PIGH: variants seen among roughly 807,000 people sequenced by gnomAD.
PIGH encodes the protein phosphatidylinositol N-acetylglucosaminyltransferase subunit H.
A neutral mutation model predicts 20.1 loss-of-function variants in PIGH; 11 were observed. The ratio of observed to expected loss-of-function variants is 0.55; its 90% confidence interval spans 0.34 to 0.91. PIGH has a LOEUF of 0.91. Ranked by LOEUF, PIGH falls within the 40% of genes least tolerant of loss-of-function variation. PIGH has a pLI of 0.02. For synonymous variants in PIGH, 72 were observed against 93.1 expected, an observed-to-expected ratio of 0.77 and a Z score of 1.31; for missense variants, 189 against 233.6, an observed-to-expected ratio of 0.81 and a Z score of 1.24.
intron 1 of PIGH, among the ~76,000 whole-genome samples, chr14:67,596,706 G>A (rs937214477): frequency 6.6e-6 from 1 of 152,054 alleles, no homozygotes; most frequent in Non-Finnish European, 1.5e-5. Context: ...TCCCACCCTT[G>A]GTATTTGATC....
At position 67,589,655 on chromosome 14, in the gene PIGH, G is replaced by C; in HGVS notation, c.*425C>G. On this transcript the variant is annotated 3_prime_UTR_variant, in exon 4 of 4. Coordinates refer to ENST00000216452, the MANE Select transcript of PIGH (RefSeq NM_004569.5). ...ACATTTCTTCCTGCTAACCAGTACT[G>C]AAGGGCTTGTTTTTTTCGTAACTTT... The C allele has an allele frequency of 1.0e-6, 1 of 989,814 alleles. No homozygotes were observed. Among genetic ancestry groups the C allele is most frequent in the Non-Finnish European group, 1.2e-6 (1 of 832,404 alleles). 61.3% of individuals were successfully genotyped at this position (989,814 alleles called of 1,614,324 possible). A position where few individuals can be genotyped will look rare whatever the true frequency, so the allele number is the denominator to read the frequency against.
At chr14:67,592,806 G>C in intron 2 of PIGH, 88 bp from the exon 3 acceptor site, 1 of 867,102 alleles carries the variant, frequency 1.2e-6, no homozygotes, top group Admixed American at 2.1e-5. Context: ...TTATTTTTGA[G>C]ACAGAGTCTC....
In PIGH at chr14:67,589,354, T is replaced by C. The variant is rs1392183553; in HGVS notation, c.*726A>G. The stretch of plus-strand genomic sequence containing the variant: ...ATTCTTTGTTAACATGAGAGTCCCA[T>C]GTCTGAAAACCAAAGTCCAATTTCT... On this transcript the variant is annotated 3_prime_UTR_variant, in exon 4 of 4. Coordinates refer to ENST00000216452, the MANE Select transcript of PIGH (RefSeq NM_004569.5). 1 of 983,592 alleles carries C rather than the reference T, an allele frequency of 1.0e-6. No homozygotes were observed. The highest frequency in any genetic ancestry group is 1.1e-4 in the East Asian group (1 of 8,832). 60.9% of individuals were successfully genotyped at this position (983,592 alleles called of 1,614,324 possible). A position where few individuals can be genotyped will look rare whatever the true frequency, so the allele number is the denominator to read the frequency against.
chr14:67,597,070 C>A (rs2036488525), intron 1 of PIGH, among the ~76,000 whole-genome samples: 2 of 152,134 alleles, frequency 1.3e-5, no homozygotes, highest in Non-Finnish European at 2.9e-5. Context: ...TTTTGTCTGG[C>A]CCATCTCAAG....
At position 67,600,054 on chromosome 14, in the gene PIGH, C is replaced by A; in HGVS notation, c.150G>T (p.Leu50=). 2 of 1,586,514 alleles carry A rather than the reference C, an allele frequency of 1.3e-6. No homozygotes were observed. The highest frequency in any genetic ancestry group is 1.7e-6 in the Non-Finnish European group (2 of 1,167,106). Residue 50 remains leucine, a synonymous_variant, in exon 1 of 4, where the codon CTG becomes CTT. Transcript: ENST00000216452. ...AGAGGGTGAAGAGTCCGTAGGCCGC[C>A]AGCCACACCGTGCAGGTGACAGCGG... ...SLTAVTCTVW[L]AAYGLFTLCE... is the part of the protein sequence containing the mutation.
rs1288455039 is a variant in PIGH, at chr14:67,600,259, T to A, written c.-56A>T. 3.5e-6 allele frequency: 5 copies of A among 1,418,572 alleles called. No individual in the cohort carries two copies. The highest frequency in any genetic ancestry group is 4.7e-6 in the Non-Finnish European group (5 of 1,071,464). 87.9% of individuals were successfully genotyped at this position (1,418,572 alleles called of 1,614,324 possible). A position where few individuals can be genotyped will look rare whatever the true frequency, so the allele number is the denominator to read the frequency against. On this transcript the variant is annotated 5_prime_UTR_variant, in exon 1 of 4. Coordinates refer to ENST00000216452, the MANE Select transcript of PIGH (RefSeq NM_004569.5). Reference sequence around the variant, plus strand: ...GGCGCTGCACTGCGCTCGCCGGCCCTGGCCGTCTCGCCCGCTCCAGACCCG... The same window carrying A: ...GGCGCTGCACTGCGCTCGCCGGCCCAGGCCGTCTCGCCCGCTCCAGACCCG...
chr14:67,593,875 A>G lies in PIGH; in HGVS notation c.258T>C (p.Asp86=). The G allele has an allele frequency of 6.2e-7, 1 of 1,613,204 alleles. No homozygotes were observed. The highest frequency in any genetic ancestry group is 8.5e-7 in the Non-Finnish European group (1 of 1,179,202). The change falls in exon 2 of 4, where the codon GAT becomes GAC. Residue 86 remains aspartate (D), a synonymous_variant. Transcript: ENST00000216452. ...LLGYLHFVKI[D]QETLLIIDSL... is the part of the protein sequence containing the mutation. ...AATCAATGATTAACAGAGTCTCCTG[A>G]TCAATCTTCACAAAATGGAGATAAC...
intron 1 of PIGH, among the ~76,000 whole-genome samples, chr14:67,594,209 C>T (rs12893796): frequency 0.42 from 63,945 of 152,062 alleles, 15,510 homozygotes; most frequent in Non-Finnish European, 0.56. Context: ...ATCAGCTGAA[C>T]GCAGTAGCTT....
At chr14:67,595,615 G>T (rs2036459298) in intron 1 of PIGH, among the ~76,000 whole-genome samples, 1 of 152,204 alleles carries the variant, frequency 6.6e-6, no homozygotes, top group Admixed American at 6.5e-5. Flanking sequence ...GGGGAGATCT[G>T]CTGGAGGGGC....
At chr14:67,595,990 C>G (rs1438652060) in intron 1 of PIGH, among the ~76,000 whole-genome samples, 1 of 152,136 alleles carries the variant, frequency 6.6e-6, no homozygotes, top group South Asian at 2.1e-4. Context: ...GTTAAGGGCT[C>G]AAAAAATGGT....
chr14:67,599,985 C>A, intron 1 of PIGH, 39 bp downstream of exon 1: 1 of 1,518,744 alleles, frequency 6.6e-7, no homozygotes, highest in African/African-American at 1.4e-5. Flanking sequence ...AAGCCGAACC[C>A]CCTCCTTCGA....
At chr14:67,599,980 G>T (rs1001050544) in intron 1 of PIGH, 44 bp downstream of exon 1, 3 of 1,501,806 alleles carry the variant, frequency 2.0e-6, no homozygotes, top group South Asian at 1.3e-5. Context: ...TCCCAAAGCC[G>T]AACCCCCTCC....
At position 67,600,212 on chromosome 14, in the gene PIGH, C is replaced by G. The variant is rs527755065; in HGVS notation, c.-9G>C. 173 of 1,562,140 alleles carry G rather than the reference C, an allele frequency of 1.1e-4. No homozygotes were observed. In the African/African-American group the frequency reaches 1.3e-3, roughly 12 times the overall value. On this transcript the variant is annotated 5_prime_UTR_variant, in exon 1 of 4. Transcript: ENST00000216452. ...CTCCGCTCATCCTCCATGACGCCCCCACTCGGCCGCCCGCACCGCGCGGCG... is the reference window on the plus strand; with the variant it reads ...CTCCGCTCATCCTCCATGACGCCCCGACTCGGCCGCCCGCACCGCGCGGCG...
At chr14:67,594,733 T>G (rs2036439127) in intron 1 of PIGH, among the ~76,000 whole-genome samples, 1 of 152,062 alleles carries the variant, frequency 6.6e-6, no homozygotes, top group African/African-American at 2.4e-5. Context: ...AAACCCATTA[T>G]AAGATGAAAA....
intron 1 of PIGH, among the ~76,000 whole-genome samples, chr14:67,596,382 C>T (rs1324134512): frequency 6.9e-6 from 1 of 144,104 alleles, no homozygotes; most frequent in African/African-American, 2.5e-5. Context: ...CTCAGGCAAT[C>T]CACCCGCCTC....
At chr14:67,593,481 AC>A (rs1378948577) in intron 2 of PIGH, 1 of 361,322 alleles carries the variant, frequency 2.8e-6, no homozygotes, top group Non-Finnish European at 4.9e-6. Context: ...ACAGAGTGAG[AC>A]CCTGTCTCAA....
intron 1 of PIGH, among the ~76,000 whole-genome samples, chr14:67,599,216 T>G (rs988513105): frequency 6.6e-6 from 1 of 152,212 alleles, no homozygotes; most frequent in Non-Finnish European, 1.5e-5. Flanking sequence ...TCTGGGATAA[T>G]ACATTCAATT....
At chr14:67,596,158 T>C (rs1176578221) in intron 1 of PIGH, among the ~76,000 whole-genome samples, 2 of 152,128 alleles carry the variant, frequency 1.3e-5, no homozygotes. Flanking sequence ...GAGACAGAAT[T>C]TCACTCGTTT....
intron 3 of PIGH, 46 bp downstream of exon 3, chr14:67,592,589 A>G (rs1468788038): frequency 1.8e-6 from 2 of 1,120,060 alleles, no homozygotes; most frequent in Non-Finnish European, 2.7e-6. Flanking sequence ...TCCTAATGAA[A>G]AGGTTGAGGA....
Sources: gnomAD v4.1 joint callset for allele counts (sites outside exome capture counted in the v4.1 genomes callset) on GRCh38, gnomAD v4.1.1 for gene constraint, MANE v1.5 for transcripts, NCBI Gene and HGNC (gene_info 2026-07-23, HGNC 2026-07-21) for gene names.